The following ITPKA variants were observed in gnomAD, a reference collection of about 807,000 sequenced individuals.
ITPKA encodes the protein inositol-trisphosphate 3-kinase A.
In ITPKA, 16 loss-of-function variants were observed where a neutral mutation model predicts 40.7. The ratio of observed to expected loss-of-function variants is 0.39; its 90% CI spans 0.27 to 0.60. The LOEUF (loss-of-function observed/expected upper bound fraction) is 0.60, where lower values mean the gene tolerates loss of function less well. ITPKA is among the 20% of genes least tolerant of loss of function. ITPKA has a pLI of 0.50. For synonymous variants in ITPKA, 313 were observed against 289.9 expected (o/e 1.08, Z -0.81); for missense variants, 540 against 649.3 (o/e 0.83, Z 1.83).
At position 41,494,227 on chromosome 15, in the gene ITPKA, G is replaced by A; in HGVS notation, c.300G>A (p.Glu100=). 1 of 1,537,762 alleles carries A rather than the reference G, an allele frequency of 6.5e-7. No homozygotes were observed. Among genetic ancestry groups the A allele is most frequent in the Non-Finnish European group, 8.7e-7 (1 of 1,149,360 alleles). The part of the protein sequence containing the change: ...DVPPTSPGPP[E]RERDCLPAAG... ...CCCCGACCAGCCCTGGGCCGCCGGA[G>A]CGGGAGAGGGACTGCCTCCCGGCAG... The change falls in exon 1 of 7, where the codon GAG becomes GAA. Residue 100 remains glutamate (E), a synonymous_variant. Transcript: ENST00000260386. The surrounding 1 kb of genome is among the most constrained non-coding windows in gnomAD (Gnocchi z 7.8).
At position 41,494,254 on chromosome 15, in the gene ITPKA, G is replaced by T; in HGVS notation, c.327G>T (p.Ala109=). ...GGGAGAGGGACTGCCTCCCGGCAGC[G>T]GGCTCTTCGCACCTGCAGCAGCCGC... is the stretch of plus-strand genomic sequence containing the variant. The part of the protein sequence containing the change: ...PERERDCLPA[A]GSSHLQQPRR... Residue 109 remains alanine (A), a synonymous_variant, in exon 1 of 7, where the codon GCG becomes GCT. Coordinates refer to ENST00000260386, the MANE Select transcript of ITPKA (RefSeq NM_002220.3). This position sits in a 1 kb window ranked among gnomAD's most constrained non-coding sequence, Gnocchi z 7.8. 2.6e-6 allele frequency: 4 copies of T among 1,546,080 alleles called. No homozygotes were observed. The highest frequency in any genetic ancestry group is 2.4e-5 in the East Asian group (1 of 41,198).
Position 41,501,683 on chromosome 15 carries a change from C to A in ITPKA, c.635C>A (p.Ser212Ter). The change falls in exon 3 of 7, where the codon TCG becomes TAG. Residue 212 changes from serine (S) to a stop codon, truncating the protein, a stop_gained. Coordinates refer to ENST00000260386, the MANE Select transcript of ITPKA (RefSeq NM_002220.3). LOFTEE classifies it high-confidence loss of function. ...GTSGLILKRC[S>*]EPERYCLARL... Reference sequence around the variant, plus strand: ...AGCGGGCTGATCCTGAAGCGCTGCTCGGAGCCGGAGCGCTACTGCCTGGCG... The same window carrying A: ...AGCGGGCTGATCCTGAAGCGCTGCTAGGAGCCGGAGCGCTACTGCCTGGCG... 1 of 1,609,728 alleles carries A rather than the reference C, an allele frequency of 6.2e-7. No homozygotes were observed. Among genetic ancestry groups the A allele is most frequent in the Non-Finnish European group, 8.5e-7 (1 of 1,178,578 alleles).
Position 41,503,487 on chromosome 15 carries a change from G to A in ITPKA, c.*321G>A. ...CCGCGGATTTTATTTAGCAAGCCCA[G>A]ACCTTCCGGTCTAACGTCTCACACC... On this transcript the variant is annotated 3_prime_UTR_variant, in exon 7 of 7. Transcript: ENST00000260386. 8.0e-6 allele frequency: 5 copies of A among 621,680 alleles called. No individual in the cohort carries two copies. The highest frequency in any genetic ancestry group is 7.0e-5 in the South Asian group (5 of 71,508). 38.5% of individuals were successfully genotyped at this position (621,680 alleles called of 1,614,324 possible).
chr15:41,500,980 GC>G (rs2051105029), intron 1 of ITPKA, among the ~76,000 whole-genome samples: 2 of 122,008 alleles, frequency 1.6e-5, no homozygotes, highest in South Asian at 5.5e-4. Context: ...CTGCACTCCA[GC>G]CTGGGTGACA....
intron 3 of ITPKA, 55 bp downstream of exon 3, chr15:41,501,906 G>A: frequency 1.3e-6 from 2 of 1,595,140 alleles, no homozygotes; most frequent in Non-Finnish European, 1.7e-6. Context: ...CCGGGGCCGG[G>A]ACAGCTGCTT....
intron 1 of ITPKA, among the ~76,000 whole-genome samples, chr15:41,501,033 AAT>A (rs1296706881): frequency 0.021 from 2,745 of 129,672 alleles, 92 homozygotes; most frequent in East Asian, 0.076. Flanking sequence ...AAAAAAAAAA[AAT>A]GGCCCTACTC....
chr15:41,498,918 G>A (rs955626412), intron 1 of ITPKA, among the ~76,000 whole-genome samples: 1 of 152,198 alleles, frequency 6.6e-6, no homozygotes, highest in Non-Finnish European at 1.5e-5. Flanking sequence ...TGGGCTGATA[G>A]CTTCAGCCAG....
At chr15:41,497,510 C>G (rs2051081829) in intron 1 of ITPKA, among the ~76,000 whole-genome samples, 1 of 152,112 alleles carries the variant, frequency 6.6e-6, no homozygotes, top group South Asian at 2.1e-4. Flanking sequence ...TTACAGGTGT[C>G]AGCCACCGCG....
rs766307880 is a variant in ITPKA at position 41,502,069 on chromosome 15, G to A, written c.876G>A (p.Met292Ile). The change falls in exon 4 of 7, where the codon ATG becomes ATA. Residue 292 changes from methionine (M) to isoleucine (I), a missense_variant. By Grantham distance (10) the Met-to-Ile change is conservative. Transcript: ENST00000260386. The part of the protein sequence containing the change: ...PKLRKDMYKK[M>I]LAVDPEAPTE... Reference sequence around the variant, plus strand: ...TGCGGAAGGACATGTACAAGAAAATGCTGGCGGTGGATCCTGAAGCTCCCA... The same window carrying A: ...TGCGGAAGGACATGTACAAGAAAATACTGGCGGTGGATCCTGAAGCTCCCA... 3 of 1,613,254 alleles carry A rather than the reference G, an allele frequency of 1.9e-6. No individual in the cohort carries two copies. Among genetic ancestry groups the A allele is most frequent in the Non-Finnish European group, 1.7e-6 (2 of 1,179,936 alleles).
Position 41,502,484 on chromosome 15 carries a change from AAGG to A in ITPKA, c.1094_1096del (p.Gly365del). 2 of 1,593,472 alleles carry A rather than the reference AAGG, an allele frequency of 1.3e-6. No individual in the cohort carries two copies. The highest frequency in any genetic ancestry group is 1.7e-6 in the Non-Finnish European group (2 of 1,162,084). Reference sequence around the variant, plus strand: ...CTTCGCGTCTTTGAAGAGTTTGTGCAAGGAGATGAGGAAGTGCTGGTGAGAGCG... The same window carrying A: ...CTTCGCGTCTTTGAAGAGTTTGTGCAAGATGAGGAAGTGCTGGTGAGAGCG... On this transcript the variant is annotated inframe_deletion, in exon 5 of 7. Coordinates refer to ENST00000260386, the MANE Select transcript of ITPKA (RefSeq NM_002220.3).
chr15:41,500,419 G>C (rs1445682705), intron 1 of ITPKA, among the ~76,000 whole-genome samples: 1 of 152,126 alleles, frequency 6.6e-6, no homozygotes, highest in East Asian at 1.9e-4. Context: ...GCCCTGCCAG[G>C]CTGGCCTTCC....
Position 41,494,236 on chromosome 15 carries a change from G to T in ITPKA, c.309G>T (p.Arg103Ser), listed in dbSNP as rs769801208. ...PTSPGPPERE[R>S]DCLPAAGSSH... Reference sequence around the variant, plus strand: ...GCCCTGGGCCGCCGGAGCGGGAGAGGGACTGCCTCCCGGCAGCGGGCTCTT... The same window carrying T: ...GCCCTGGGCCGCCGGAGCGGGAGAGTGACTGCCTCCCGGCAGCGGGCTCTT... Residue 103 changes from arginine (R) to serine (S), a missense_variant, in exon 1 of 7, where the codon AGG (arginine) becomes AGT (serine). By Grantham distance (110) the Arg-to-Ser change is moderately radical (BLOSUM62 -1). Coordinates refer to ENST00000260386, the MANE Select transcript of ITPKA (RefSeq NM_002220.3). The surrounding 1 kb of genome is among the most constrained non-coding windows in gnomAD (Gnocchi z 7.8). 7.8e-6 allele frequency: 12 copies of T among 1,541,316 alleles called. No homozygotes were observed. The South Asian group carries it at 1.1e-4, about 14-fold the overall frequency.
chr15:41,502,207 G>A lies in ITPKA; in HGVS notation c.1008+6G>A. The A allele has an allele frequency of 1.9e-6, 3 of 1,562,956 alleles. No homozygotes were observed. Among genetic ancestry groups the A allele is most frequent in the Non-Finnish European group, 2.6e-6 (3 of 1,152,788 alleles). ...TCCGCATCGAGGGCATCAAGGTGAGGCAGGCGCGCTTCGCTGGCACCGCCG... is the reference window on the plus strand; with the variant it reads ...TCCGCATCGAGGGCATCAAGGTGAGACAGGCGCGCTTCGCTGGCACCGCCG... On this transcript the variant is annotated splice_donor_region_variant and intron_variant, in intron 4 of 6. Transcript: ENST00000260386.
chr15:41,502,747 TTTAG>T (rs761592069), intron 5 of ITPKA, 37 bp from the exon 6 acceptor site: 50 of 1,533,410 alleles, frequency 3.3e-5, no homozygotes, highest in East Asian at 2.8e-4. Flanking sequence ...TCATTTGGCG[TTTAG>T]TTAATTTGCC....
chr15:41,502,814 G>A lies in ITPKA; in HGVS notation c.1137G>A (p.Gln379=), dbSNP rs1194831752. ...VLRRYLNRLQ[Q]IRDTLEVSEF... is the part of the protein sequence containing the mutation. ...GGCGGTATCTGAACCGCCTGCAGCA[G>A]ATCCGGGACACCCTGGAGGTATCCG... Residue 379 remains glutamine, a synonymous_variant, in exon 6 of 7, where the codon CAG becomes CAA. Coordinates refer to ENST00000260386, the MANE Select transcript of ITPKA (RefSeq NM_002220.3). 1 of 1,612,422 alleles carries A rather than the reference G, an allele frequency of 6.2e-7. No homozygotes were observed. The highest frequency in any genetic ancestry group is 2.2e-5 in the East Asian group (1 of 44,844).
chr15:41,495,601 C>A (rs1459292011), intron 1 of ITPKA, among the ~76,000 whole-genome samples: 2 of 152,218 alleles, frequency 1.3e-5, no homozygotes, highest in African/African-American at 4.8e-5. Context: ...GGTCACTAGC[C>A]TGCCGCTTCC....
rs1420031473 is a variant in ITPKA, at chr15:41,493,940, G to C, written c.13G>C (p.Gly5Arg). ...CCGGCACTGGGAAATGACCCTGCCC[G>C]GGGGCCCAACGGGCATGGCGCGGCC... The part of the protein sequence containing the change: MTLP[G>R]GPTGMARPGG... Residue 5 changes from glycine (G) to arginine (R), a missense_variant, in exon 1 of 7, where the codon GGG (glycine) becomes CGG (arginine). By Grantham distance (125) the Gly-to-Arg change is moderately radical. Coordinates refer to ENST00000260386, the MANE Select transcript of ITPKA (RefSeq NM_002220.3). 2.9e-6 allele frequency: 3 copies of C among 1,026,744 alleles called. No individual in the cohort carries two copies. Among genetic ancestry groups the C allele is most frequent in the Non-Finnish European group, 3.5e-6 (3 of 857,490 alleles). 63.6% of individuals were successfully genotyped at this position (1,026,744 alleles called of 1,614,324 possible).
intron 1 of ITPKA, among the ~76,000 whole-genome samples, chr15:41,497,233 C>G (rs1218589081): frequency 6.6e-6 from 1 of 152,144 alleles, no homozygotes; most frequent in Non-Finnish European, 1.5e-5. Flanking sequence ...CCTCAAGATA[C>G]CCAGGTAGCC....
At chr15:41,496,638 T>G (rs562350190) in intron 1 of ITPKA, among the ~76,000 whole-genome samples, 6 of 152,250 alleles carry the variant, frequency 3.9e-5, no homozygotes, top group African/African-American at 1.4e-4. Flanking sequence ...GTTCATCTGG[T>G]TTTCTTCTTT....
Sources: allele counts gnomAD v4.1 joint callset (sites outside exome capture counted in the v4.1 genomes callset), GRCh38; gene constraint gnomAD v4.1.1; non-coding constraint Gnocchi (gnomAD v3.1); transcripts MANE v1.5; gene names NCBI Gene and HGNC (gene_info 2026-07-23, HGNC 2026-07-21).